Variants in EFCAB6 observed in about 807,000 individuals in gnomAD.
EFCAB6 encodes the protein EF-hand calcium-binding domain-containing protein 6.
In EFCAB6, 156 loss-of-function variants were observed where a neutral mutation model predicts 169.8. The observed-to-expected ratio is 0.92, with a 90% CI of 0.81 to 1.05. EFCAB6 has a LOEUF of 1.05. Among genes scored for constraint, EFCAB6 ranks in the 50% least tolerant of loss-of-function variants. EFCAB6 has a pLI of 0.00. For missense variants in EFCAB6, 1,800 were observed against 1,829.1 expected (o/e 0.98, Z 0.29); for synonymous variants, 698 against 676.4 (o/e 1.03, Z -0.50).
At chr22:43,783,796 C>T (rs2061912778) in intron 2 of EFCAB6, among the ~76,000 whole-genome samples, 1 of 152,136 alleles carries the variant, frequency 6.6e-6, no homozygotes, top group African/African-American at 2.4e-5. Flanking sequence ...GATGTCTCAT[C>T]TCTGTAATCC....
Position 43,667,176 on chromosome 22 carries a change from C to G in EFCAB6, c.1911G>C (p.Pro637=), listed in dbSNP as rs150612043. Residue 637 remains proline, a synonymous_variant, in exon 17 of 32, where the codon CCG becomes CCC. Coordinates refer to ENST00000262726, the MANE Select transcript of EFCAB6 (RefSeq NM_022785.4). ...KFKKCIQQQD[P]AFKKRFLDFS... ...AGTCAAGAAATCGTTTTTTGAATGC[C>G]GGGTCCTGCTGCTGTATACACTTTT... 6.2e-7 allele frequency: 1 copy of G among 1,613,924 alleles called. No individual in the cohort carries two copies. Among genetic ancestry groups the G allele is most frequent in the Admixed American group, 1.7e-5 (1 of 59,996 alleles).
intron 5 of EFCAB6, among the ~76,000 whole-genome samples, chr22:43,760,080 T>G (rs1305484317): frequency 6.6e-6 from 1 of 151,726 alleles, no homozygotes; most frequent in African/African-American, 2.4e-5. Flanking sequence ...GGCACACACC[T>G]GTAATCCCAG....
At chr22:43,701,176 G>C (rs2058751808) in intron 10 of EFCAB6, among the ~76,000 whole-genome samples, 1 of 152,128 alleles carries the variant, frequency 6.6e-6, no homozygotes, top group Non-Finnish European at 1.5e-5. Context: ...CCTGGGGCTT[G>C]AGAGGGTAGC....
rs538388279 is a variant in EFCAB6 at position 43,534,820 on chromosome 22, G to A, written c.4101C>T (p.Leu1367=). The change falls in exon 30 of 32, where the codon CTC becomes CTT. Residue 1367 remains leucine (L), a synonymous_variant. Transcript: ENST00000262726. ...TGCTCTTTAAGTCGTATTTTATAAT[G>A]AGCTGCTGACACTCCTCTTTGCTTA... The part of the protein sequence containing the change: ...LDISKEECQQ[L]IIKYDLKSNG... The A allele has an allele frequency of 3.1e-6, 5 of 1,613,898 alleles. No individual in the cohort carries two copies. The South Asian group carries it at 4.4e-5, about 14-fold the overall frequency.
chr22:43,614,704 C>T (rs1270040432), intron 21 of EFCAB6, among the ~76,000 whole-genome samples: 1 of 152,220 alleles, frequency 6.6e-6, no homozygotes, highest in Non-Finnish European at 1.5e-5. Flanking sequence ...CCAGCGCAGA[C>T]AGTCCACTCC....
chr22:43,804,282 G>T (rs566824007), intron 2 of EFCAB6, among the ~76,000 whole-genome samples: 1 of 152,016 alleles, frequency 6.6e-6, no homozygotes, highest in Non-Finnish European at 1.5e-5. Context: ...TAAATGAAAT[G>T]AAAATCCAAC....
intron 22 of EFCAB6, among the ~76,000 whole-genome samples, chr22:43,604,651 G>T (rs887773242): frequency 6.6e-6 from 1 of 152,060 alleles, no homozygotes; most frequent in Non-Finnish European, 1.5e-5. Flanking sequence ...GCACTGCTTT[G>T]GTTGAGCTAA....
rs750699116 is a variant in EFCAB6, at chr22:43,690,459, T to C, written c.1032-2878A>G. Among the ~76,000 whole-genome samples, 17 of 147,674 alleles carry C rather than the reference T, an allele frequency of 1.2e-4. No homozygotes were observed. The East Asian group carries it at 1.6e-3, about 14-fold the overall frequency. ...TGAACCCAGGAGGCGGAGCCTGCAG[T>C]GAGCCGAGATCATGCCACTGCACTC... On this transcript the variant is annotated intron_variant, in intron 10 of 31. Coordinates refer to ENST00000262726, the MANE Select transcript of EFCAB6 (RefSeq NM_022785.4).
At chr22:43,689,894 T>C (rs1232506946) in intron 10 of EFCAB6, among the ~76,000 whole-genome samples, 1 of 152,332 alleles carries the variant, frequency 6.6e-6, no homozygotes, top group South Asian at 2.1e-4. Flanking sequence ...TCTCTTTCTA[T>C]GATCCAAGAC....
chr22:43,548,687 A>G (rs2048215739), intron 27 of EFCAB6, among the ~76,000 whole-genome samples: 2 of 152,136 alleles, frequency 1.3e-5, no homozygotes, highest in Non-Finnish European at 2.9e-5. Flanking sequence ...ATAATAAGAA[A>G]TGGATACATC....
rs186792948 is a variant in EFCAB6, at chr22:43,620,216, G to A, written c.2466-4294C>T. Among the ~76,000 whole-genome samples the A allele has an allele frequency of 3.9e-5, 6 of 152,230 alleles. No individual in the cohort carries two copies. The East Asian group carries it at 1.2e-3, about 29-fold the overall frequency. ...TGATTGCAGCTACTTGGGAGGCTGA[G>A]GTGGATCACTTGGACCTGGGAGGTC... On this transcript the variant is annotated intron_variant, in intron 20 of 31. Transcript: ENST00000262726.
At chr22:43,585,743 A>T (rs1257906126) in intron 24 of EFCAB6, among the ~76,000 whole-genome samples, 2 of 152,172 alleles carry the variant, frequency 1.3e-5, no homozygotes, top group Non-Finnish European at 2.9e-5. Context: ...ACAAAGAGAA[A>T]ATCTTGAAAT....
In EFCAB6 at chr22:43,697,909, G is replaced by A. The variant is rs138357310; in HGVS notation, c.1032-10328C>T. 1.0e-3 allele frequency among the ~76,000 whole-genome samples: 159 copies of A among 152,310 alleles called. 1 individual carries two copies. The highest frequency in any genetic ancestry group is 3.6e-3 in the African/African-American group (151 of 41,566). ...TCGACAGATGGATAGTGTCAGAAGA[G>A]GCAGCAAAGGGTGACAGAGGCAAAG... is the stretch of plus-strand genomic sequence containing the variant. On this transcript the variant is annotated intron_variant, in intron 10 of 31. Coordinates refer to ENST00000262726, the MANE Select transcript of EFCAB6 (RefSeq NM_022785.4).
At chr22:43,588,409 T>G (rs1196577014) in intron 24 of EFCAB6, among the ~76,000 whole-genome samples, 2 of 152,058 alleles carry the variant, frequency 1.3e-5, no homozygotes, top group Admixed American at 1.3e-4. Context: ...GAGTAGGATG[T>G]TATAAAAAAG....
chr22:43,690,834 A>G (rs986870545), intron 10 of EFCAB6, among the ~76,000 whole-genome samples: 1 of 150,452 alleles, frequency 6.6e-6, no homozygotes, highest in African/African-American at 2.5e-5. Flanking sequence ...AGCTAATTCT[A>G]CTCCTCTTTC....
chr22:43,563,137 G>A lies in EFCAB6; in HGVS notation c.3421-8041C>T, dbSNP rs558744379. On this transcript the variant is annotated intron_variant, in intron 26 of 31. Coordinates refer to ENST00000262726, the MANE Select transcript of EFCAB6 (RefSeq NM_022785.4). ...CAGTAACCAAGCGCCGCCTGCCAGG[G>A]CAGAAGGAACGCGGCCAGGGCCAGC... Among the ~76,000 whole-genome samples, 36 of 152,208 alleles carry A rather than the reference G, an allele frequency of 2.4e-4. No individual in the cohort carries two copies. The South Asian group carries it at 7.0e-3, about 30-fold the overall frequency.
chr22:43,704,175 A>G (rs990676891), intron 10 of EFCAB6, among the ~76,000 whole-genome samples: 1 of 152,204 alleles, frequency 6.6e-6, no homozygotes, highest in Admixed American at 6.5e-5. Context: ...CTATCAGCAG[A>G]TTTCTCCACA....
intron 9 of EFCAB6, among the ~76,000 whole-genome samples, chr22:43,713,642 G>A (rs2059234585): frequency 6.6e-6 from 1 of 152,196 alleles, no homozygotes; most frequent in Admixed American, 6.5e-5. Context: ...AATTTCCGGA[G>A]AAACCTTGGC....
At position 43,764,053 on chromosome 22, in the gene EFCAB6, C is replaced by T. The variant is rs752269390; in HGVS notation, c.440+1252G>A. On this transcript the variant is annotated intron_variant, in intron 5 of 31. Coordinates refer to ENST00000262726, the MANE Select transcript of EFCAB6 (RefSeq NM_022785.4). ...GCTGGGGTTATAGTGTGAACCACCACGCCCAGCCTCAAGTTTTATTTTAGA... is the reference window on the plus strand; with the variant it reads ...GCTGGGGTTATAGTGTGAACCACCATGCCCAGCCTCAAGTTTTATTTTAGA... 1.0e-3 allele frequency among the ~76,000 whole-genome samples: 157 copies of T among 152,100 alleles called. 1 individual carries two copies. Among genetic ancestry groups the T allele is most frequent in the Non-Finnish European group, 2.8e-4 (19 of 67,968 alleles).
Sources: allele counts gnomAD v4.1 joint callset (sites outside exome capture counted in the v4.1 genomes callset), GRCh38; gene constraint gnomAD v4.1.1; transcripts MANE v1.5; gene names NCBI Gene and HGNC (gene_info 2026-07-23, HGNC 2026-07-21).